The following HPSE2 variants were observed in gnomAD, a reference collection of about 807,000 sequenced individuals.
HPSE2 encodes heparanase 2 (inactive).
A neutral mutation model predicts 60.5 loss-of-function variants in HPSE2; 38 were observed. The ratio of observed to expected loss-of-function variants is 0.63; its 90% confidence interval spans 0.48 to 0.82. HPSE2 has a LOEUF of 0.82. HPSE2 is among the 40% of genes least tolerant of loss of function. The pLI is 0.00. For missense variants in HPSE2, 713 were observed against 740.4 expected (o/e 0.96, Z 0.43); for synonymous variants, 295 against 293.2 (o/e 1.01, Z -0.06).
chr10:98,802,447 A>T (rs1464777305), intron 3 of HPSE2, among the ~76,000 whole-genome samples: 1 of 147,418 alleles, frequency 6.8e-6, no homozygotes, highest in Non-Finnish European at 1.5e-5. Flanking sequence ...ATTAGGTATA[A>T]CTCCTAAAGC....
At chr10:98,945,664 T>G (rs1440992985) in intron 3 of HPSE2, among the ~76,000 whole-genome samples, 2 of 152,208 alleles carry the variant, frequency 1.3e-5, no homozygotes, top group African/African-American at 2.4e-5. Context: ...GCGAAGAGGC[T>G]TAGAAGACAG....
intron 3 of HPSE2, among the ~76,000 whole-genome samples, chr10:98,847,443 A>G (rs983941659): frequency 6.6e-6 from 1 of 152,236 alleles, no homozygotes; most frequent in Admixed American, 6.5e-5. Flanking sequence ...TAAGTGGTTG[A>G]GCTGGAATTG....
chr10:98,540,394 G>C (rs1472852379), intron 9 of HPSE2, among the ~76,000 whole-genome samples: 1 of 152,134 alleles, frequency 6.6e-6, no homozygotes, highest in Non-Finnish European at 1.5e-5. Context: ...ACATAAATTG[G>C]CCCATGAAGT....
chr10:98,827,098 C>G (rs916161913), intron 3 of HPSE2, among the ~76,000 whole-genome samples: 5 of 152,160 alleles, frequency 3.3e-5, no homozygotes, highest in Admixed American at 2.6e-4. Flanking sequence ...CTGCAATGAG[C>G]TAGGATTGTG....
intron 4 of HPSE2, among the ~76,000 whole-genome samples, chr10:98,732,028 C>A (rs1358594537): frequency 1.3e-5 from 2 of 152,060 alleles, no homozygotes; most frequent in Non-Finnish European, 2.9e-5. Flanking sequence ...AAAAATACTT[C>A]CATTCCCAAT....
At chr10:98,723,872 T>C (rs1948994840) in intron 4 of HPSE2, among the ~76,000 whole-genome samples, 1 of 152,210 alleles carries the variant, frequency 6.6e-6, no homozygotes, top group Non-Finnish European at 1.5e-5. Flanking sequence ...TTTATTAGTC[T>C]TGCTAGCGGT....
At chr10:98,900,068 A>G (rs751549859) in intron 3 of HPSE2, among the ~76,000 whole-genome samples, 12 of 152,172 alleles carry the variant, frequency 7.9e-5, no homozygotes, top group Non-Finnish European at 1.3e-4. Context: ...TGATTCAGCC[A>G]TTCTACTCCT....
intron 3 of HPSE2, among the ~76,000 whole-genome samples, chr10:98,755,129 C>A (rs1949849311): frequency 6.6e-6 from 1 of 151,920 alleles, no homozygotes; most frequent in Non-Finnish European, 1.5e-5. Context: ...TTCAGGAGAC[C>A]CATCTCACAT....
rs962384083 is a variant in HPSE2 at position 98,868,373 on chromosome 10, G to A, written c.611-124317C>T. Among the ~76,000 whole-genome samples the A allele has an allele frequency of 3.3e-5, 5 of 152,034 alleles. No homozygotes were observed. The South Asian group carries it at 6.2e-4, about 19-fold the overall frequency. ...AGAGTAGGGAGGTGGTGTGGGCAGC[G>A]GGGAGGTGGGGATGGTTAATGGGTC... On this transcript the variant is annotated intron_variant, in intron 3 of 11. Transcript: ENST00000370552.
chr10:99,187,071 AC>A (rs1477000437), intron 2 of HPSE2, among the ~76,000 whole-genome samples: 3 of 152,104 alleles, frequency 2.0e-5, no homozygotes, highest in Admixed American at 6.5e-5. Context: ...GGCATGAGCT[AC>A]CCCACCCAGC....
At chr10:98,737,008 C>A (rs976315635) in intron 4 of HPSE2, among the ~76,000 whole-genome samples, 8 of 152,148 alleles carry the variant, frequency 5.3e-5, no homozygotes, top group Non-Finnish European at 1.2e-4. Context: ...GAGAAGCAGA[C>A]AGGAAGAGAA....
At chr10:98,672,758 G>A (rs1039468310) in intron 6 of HPSE2, among the ~76,000 whole-genome samples, 5 of 152,070 alleles carry the variant, frequency 3.3e-5, no homozygotes, top group Non-Finnish European at 7.4e-5. Context: ...CTTCTTAAGA[G>A]GAAAAATGTA....
chr10:99,181,689 A>G (rs1847784378), intron 2 of HPSE2, among the ~76,000 whole-genome samples: 1 of 152,164 alleles, frequency 6.6e-6, no homozygotes, highest in Non-Finnish European at 1.5e-5. Context: ...ATGAGAACAC[A>G]TGGACACAGG....
At chr10:99,099,172 T>A (rs1458144934) in intron 3 of HPSE2, among the ~76,000 whole-genome samples, 1 of 150,766 alleles carries the variant, frequency 6.6e-6, no homozygotes, top group Non-Finnish European at 1.5e-5. Flanking sequence ...GCCCACCGAG[T>A]GTGAGCTGAA....
At chr10:98,863,974 C>A (rs867974835) in intron 3 of HPSE2, among the ~76,000 whole-genome samples, 1 of 151,856 alleles carries the variant, frequency 6.6e-6, no homozygotes, top group East Asian at 1.9e-4. Context: ...TATATATACA[C>A]GTACTATGCA....
chr10:98,707,966 T>C (rs1393261387), intron 5 of HPSE2, among the ~76,000 whole-genome samples: 1 of 152,058 alleles, frequency 6.6e-6, no homozygotes, highest in Non-Finnish European at 1.5e-5. Context: ...AGTAAGGAGA[T>C]CTATGGAATA....
chr10:98,968,615 A>T (rs188314267), intron 3 of HPSE2, among the ~76,000 whole-genome samples: 1 of 152,344 alleles, frequency 6.6e-6, no homozygotes. Context: ...TCAATCAATG[A>T]GTAGATAAAG....
At chr10:99,295,415 T>C in the HPSE2 span, among the ~76,000 whole-genome samples, 2 of 152,210 alleles carry the variant, frequency 1.3e-5, no homozygotes, top group African/African-American at 4.8e-5. Flanking sequence ...TTATGAATTA[T>C]GTATTCAAAC....
chr10:98,513,900 T>G (rs1333720455), intron 9 of HPSE2, among the ~76,000 whole-genome samples: 1 of 152,094 alleles, frequency 6.6e-6, no homozygotes, highest in Non-Finnish European at 1.5e-5. Context: ...ATTCCACTCC[T>G]AGGCATATAC....
Sources: gnomAD v4.1 joint callset for allele counts (sites outside exome capture counted in the v4.1 genomes callset) on GRCh38, gnomAD v4.1.1 for gene constraint, MANE v1.5 for transcripts, NCBI Gene and HGNC (gene_info 2026-07-23, HGNC 2026-07-21) for gene names.